The following AGMO variants were observed in gnomAD, a reference collection of about 807,000 sequenced individuals.
AGMO encodes glyceryl-ether monooxygenase.
Under a neutral mutation model 60.2 loss-of-function variants are expected in AGMO, and 75 were observed. That is an observed-to-expected ratio of 1.25 (90% CI 1.03 to 1.51). AGMO has a LOEUF of 1.51. Among genes scored for constraint, AGMO ranks in the 40% most tolerant of loss-of-function variants. The pLI, the probability that AGMO is intolerant of heterozygous loss-of-function variation, is 0.00. For missense variants in AGMO, 763 were observed against 525.5 expected, an observed-to-expected ratio of 1.45 and a Z score of -4.42; for synonymous variants, 261 against 177.1, an observed-to-expected ratio of 1.47 and a Z score of -3.76.
the AGMO span, among the ~76,000 whole-genome samples, chr7:15,130,554 T>C: frequency 3.3e-5 from 5 of 152,066 alleles, no homozygotes; most frequent in South Asian, 2.1e-4. Flanking sequence ...TGCTATAAAA[T>C]GTGGCAAAGA....
intron 3 of AGMO, among the ~76,000 whole-genome samples, chr7:15,459,591 A>ATGTG (rs5882510): frequency 2.3e-4 from 3 of 13,248 alleles, no homozygotes; most frequent in Non-Finnish European, 5.0e-4. Context: ...AAATGTGTGT[A>ATGTG]TGTGCGTTTG....
intron 1 of AGMO, among the ~76,000 whole-genome samples, chr7:15,561,502 A>G (rs1647814067): frequency 6.6e-6 from 1 of 152,232 alleles, no homozygotes; most frequent in Non-Finnish European, 1.5e-5. Flanking sequence ...CTGGAGTGAC[A>G]TATAAAAGAG....
chr7:15,150,177 G>A, the AGMO span, among the ~76,000 whole-genome samples: 2 of 152,020 alleles, frequency 1.3e-5, no homozygotes. Context: ...CTTTACTGAA[G>A]TTGTTTTTCA....
At chr7:15,404,354 A>G (rs1057156891) in intron 5 of AGMO, among the ~76,000 whole-genome samples, 1 of 151,958 alleles carries the variant, frequency 6.6e-6, no homozygotes, top group Non-Finnish European at 1.5e-5. Context: ...TTTTATTTGA[A>G]TTTGTTTCAG....
chr7:15,198,478 C>T (rs1781193165), downstream of AGMO, among the ~76,000 whole-genome samples: 2 of 152,110 alleles, frequency 1.3e-5, no homozygotes, highest in South Asian at 2.1e-4. Context: ...AATGTAATCG[C>T]CCAATGGGTT....
intron 3 of AGMO, among the ~76,000 whole-genome samples, chr7:15,499,314 G>C (rs112252250): frequency 6.6e-6 from 1 of 151,888 alleles, no homozygotes. Context: ...CCTTTTGTGT[G>C]CCTGAGTAGA....
At chr7:15,510,961 T>A (rs1012564944) in intron 3 of AGMO, among the ~76,000 whole-genome samples, 3 of 150,830 alleles carry the variant, frequency 2.0e-5, no homozygotes, top group Non-Finnish European at 3.0e-5. Flanking sequence ...AACAAGTTCC[T>A]ATGGCTTATT....
chr7:15,476,914 C>T (rs1356955634), intron 3 of AGMO, among the ~76,000 whole-genome samples: 4 of 152,022 alleles, frequency 2.6e-5, no homozygotes, highest in Non-Finnish European at 5.9e-5. Flanking sequence ...AAATACCTTG[C>T]TTGCTAGTTG....
intron 12 of AGMO, among the ~76,000 whole-genome samples, chr7:15,207,932 T>C (rs1781483879): frequency 6.6e-6 from 1 of 152,146 alleles, no homozygotes; most frequent in Middle Eastern, 3.4e-3. Flanking sequence ...AGACTCTGTC[T>C]CAAAAAAATA....
At chr7:15,462,623 T>C (rs1782172308) in intron 3 of AGMO, among the ~76,000 whole-genome samples, 1 of 152,208 alleles carries the variant, frequency 6.6e-6, no homozygotes, top group African/African-American at 2.4e-5. Context: ...GCCCTAAATC[T>C]ATCTACATTT....
At chr7:15,465,603 T>TTTA in intron 3 of AGMO, among the ~76,000 whole-genome samples, 1 of 125,852 alleles carries the variant, frequency 7.9e-6, no homozygotes, top group African/African-American at 2.8e-5. Context: ...ATATATATAT[T>TTTA]TATATATATA....
intron 12 of AGMO, among the ~76,000 whole-genome samples, chr7:15,326,066 TAATA>T (rs1302582374): frequency 2.0e-5 from 3 of 152,122 alleles, no homozygotes; most frequent in African/African-American, 4.8e-5. Context: ...CTAAATTAAA[TAATA>T]GATACAGGTT....
chr7:15,390,446 A>G (rs1784089958), intron 8 of AGMO, among the ~76,000 whole-genome samples: 2 of 152,186 alleles, frequency 1.3e-5, no homozygotes, highest in Admixed American at 1.3e-4. Flanking sequence ...TTTTCATTCT[A>G]GGCCATAGAC....
At chr7:15,135,979 C>CTTTTTTTTTTTTTTTTTTTTGTT in the AGMO span, among the ~76,000 whole-genome samples, 12 of 106,870 alleles carry the variant, frequency 1.1e-4, no homozygotes, top group Non-Finnish European at 1.8e-4. Context: ...TTTTTCTTTT[C>CTTTTTTTTTTTTTTTTTTTTGTT]TTTTTTTTTT....
chr7:15,186,352 C>T, the AGMO span, among the ~76,000 whole-genome samples: 1 of 152,212 alleles, frequency 6.6e-6, no homozygotes. Flanking sequence ...ATATTACTTT[C>T]TAATGATAAT....
At chr7:15,251,569 T>A (rs923989532) in intron 12 of AGMO, among the ~76,000 whole-genome samples, 3 of 152,186 alleles carry the variant, frequency 2.0e-5, no homozygotes, top group African/African-American at 4.8e-5. Flanking sequence ...GAAAGCAAGA[T>A]AGATAACCAT....
intron 5 of AGMO, among the ~76,000 whole-genome samples, chr7:15,394,642 T>C (rs1480697757): frequency 6.6e-6 from 1 of 152,232 alleles, no homozygotes; most frequent in African/African-American, 2.4e-5. Flanking sequence ...CTTCCAACTA[T>C]AGCTTTATTT....
At chr7:15,151,441 T>C in the AGMO span, among the ~76,000 whole-genome samples, 65 of 152,258 alleles carry the variant, frequency 4.3e-4, no homozygotes, top group African/African-American at 1.5e-3. Context: ...AACTTCTTTC[T>C]GTAGGTGTTC....
the AGMO span, among the ~76,000 whole-genome samples, chr7:15,144,802 G>A: frequency 6.6e-6 from 1 of 152,118 alleles, no homozygotes; most frequent in African/African-American, 2.4e-5. Context: ...GGCAGAACAA[G>A]TGGCGTAACT....
Sources: gnomAD v4.1 joint callset for allele counts (sites outside exome capture counted in the v4.1 genomes callset) on GRCh38, gnomAD v4.1.1 for gene constraint, MANE v1.5 for transcripts, NCBI Gene and HGNC (gene_info 2026-07-23, HGNC 2026-07-21) for gene names.